The following IL1RAPL2 variants were observed in gnomAD, a reference collection of about 807,000 sequenced individuals.
The protein encoded by IL1RAPL2 is interleukin 1 receptor accessory protein like 2.
IL1RAPL2 carries 3 observed loss-of-function variants against 44.1 expected under a neutral mutation model. The observed-to-expected ratio is 0.07, with a 90% CI of 0.03 to 0.18. The LOEUF (loss-of-function observed/expected upper bound fraction) is 0.18. Ranked by LOEUF, IL1RAPL2 falls within the 10% of genes least tolerant of loss-of-function variation. IL1RAPL2 has a pLI of 1.00. For missense variants in IL1RAPL2, 391 were observed against 496.4 expected, an observed-to-expected ratio of 0.79 and a Z score of 2.02; for synonymous variants, 181 against 178.8, an observed-to-expected ratio of 1.01 and a Z score of -0.10.
chrX:105,394,394 A>G (rs919793361), intron 5 of IL1RAPL2, among the ~76,000 whole-genome samples: 6 of 111,500 alleles, frequency 5.4e-5, no homozygotes, highest in Admixed American at 1.9e-4. Flanking sequence ...CATTTCTAAA[A>G]TCTACAAAGA....
chrX:105,141,210 A>G (rs978789590), intron 2 of IL1RAPL2, among the ~76,000 whole-genome samples: 1 of 111,527 alleles, frequency 9.0e-6, no homozygotes, highest in East Asian at 2.8e-4. Flanking sequence ...GCTATAGGCT[A>G]TATGTAATTC....
intron 1 of IL1RAPL2, among the ~76,000 whole-genome samples, chrX:104,570,686 C>A (rs1281546085): frequency 8.9e-6 from 1 of 112,147 alleles, no homozygotes; most frequent in Non-Finnish European, 1.9e-5. Flanking sequence ...TTTTGGGCTT[C>A]CCCAGCCACA....
At chrX:104,765,345 CA>C (rs1295890976) in intron 2 of IL1RAPL2, among the ~76,000 whole-genome samples, 1 of 111,183 alleles carries the variant, frequency 9.0e-6, no homozygotes, top group Non-Finnish European at 1.9e-5. Context: ...CCAATTTATC[CA>C]AAAAACGTTT....
intron 6 of IL1RAPL2, among the ~76,000 whole-genome samples, chrX:105,661,115 CA>C (rs1183293511): frequency 2.7e-5 from 3 of 110,485 alleles, no homozygotes. Flanking sequence ...CAATGGAAAA[CA>C]AAAAAGAGCA....
intron 6 of IL1RAPL2, among the ~76,000 whole-genome samples, chrX:105,680,376 T>TGTAA (rs1341752266): frequency 8.9e-6 from 1 of 112,520 alleles, no homozygotes; most frequent in Non-Finnish European, 1.9e-5. Context: ...CTTACTCATC[T>TGTAA]GTAAGTCTGA....
intron 10 of IL1RAPL2, among the ~76,000 whole-genome samples, chrX:105,763,779 A>T (rs1194398872): frequency 2.7e-5 from 3 of 110,527 alleles, no homozygotes; most frequent in African/African-American, 9.9e-5. Context: ...GCTTTCAAAC[A>T]TTGAGGTTGC....
At chrX:104,756,458 T>C (rs994968408) in intron 2 of IL1RAPL2, among the ~76,000 whole-genome samples, 2 of 111,001 alleles carry the variant, frequency 1.8e-5, no homozygotes, top group African/African-American at 6.6e-5. Flanking sequence ...CCATAGGGAG[T>C]TGGGCCTAGT....
chrX:105,436,800 G>C lies in IL1RAPL2; in HGVS notation c.698-47513G>C, dbSNP rs2035884811. Among the ~76,000 whole-genome samples, 4 of 110,189 alleles carry C rather than the reference G, an allele frequency of 3.6e-5. No homozygotes were observed. The South Asian group carries it at 1.5e-3, about 42-fold the overall frequency. The stretch of plus-strand genomic sequence containing the variant: ...TATTTGCTTTGAAATTTTAATTTTG[G>C]AGGTTGTATAAGAATATCACTTAGT... On this transcript the variant is annotated intron_variant, in intron 5 of 10. Coordinates refer to ENST00000372582, the MANE Select transcript of IL1RAPL2 (RefSeq NM_017416.2).
chrX:105,219,038 T>C (rs202235111), intron 3 of IL1RAPL2: 970 of 1,209,484 alleles, frequency 8.0e-4, no homozygotes, highest in Non-Finnish European at 1.0e-3. Flanking sequence ...TTCACAGCGT[T>C]ACACCAAGGG....
intron 1 of IL1RAPL2, among the ~76,000 whole-genome samples, 162 bp from the exon 2 acceptor site, chrX:104,658,733 G>A (rs1034845897): frequency 1.8e-5 from 2 of 112,701 alleles, no homozygotes; most frequent in Non-Finnish European, 1.9e-5. Context: ...GTTTAACTGT[G>A]AACTTTCATG....
intron 2 of IL1RAPL2, among the ~76,000 whole-genome samples, chrX:105,013,884 A>C (rs2031114442): frequency 8.9e-6 from 1 of 111,980 alleles, no homozygotes; most frequent in Non-Finnish European, 1.9e-5. Context: ...AAAGTGTTAC[A>C]TGTATTTGTT....
chrX:105,483,177 C>T (rs1431247682), intron 5 of IL1RAPL2, among the ~76,000 whole-genome samples: 1 of 110,286 alleles, frequency 9.1e-6, no homozygotes, highest in East Asian at 2.9e-4. Flanking sequence ...ACATATCAAG[C>T]CAATCATCAT....
In IL1RAPL2 at chrX:104,620,185, C is replaced by T. The variant is rs752269862; in HGVS notation, c.-19-38710C>T. Among the ~76,000 whole-genome samples, 6 of 110,650 alleles carry T rather than the reference C, an allele frequency of 5.4e-5. No homozygotes were observed. The South Asian group carries it at 1.2e-3, about 21-fold the overall frequency. On this transcript the variant is annotated intron_variant, in intron 1 of 10. Coordinates refer to ENST00000372582, the MANE Select transcript of IL1RAPL2 (RefSeq NM_017416.2). ...AAAGGTTTTAAGAACAGAAAATGAC[C>T]GGTGAGAAGTGCATTAAAAGATGTG...
chrX:104,914,956 A>T (rs1365766591), intron 2 of IL1RAPL2, among the ~76,000 whole-genome samples: 2 of 111,613 alleles, frequency 1.8e-5, no homozygotes, highest in Non-Finnish European at 3.8e-5. Context: ...TTCTTAATCC[A>T]GTCTATCATA....
chrX:105,097,583 C>T (rs757057302), intron 2 of IL1RAPL2, among the ~76,000 whole-genome samples: 5 of 111,185 alleles, frequency 4.5e-5, no homozygotes, highest in Non-Finnish European at 9.4e-5. Context: ...CTGTCTGCTG[C>T]CACTTTATAA....
intron 1 of IL1RAPL2, among the ~76,000 whole-genome samples, chrX:104,597,823 G>T (rs1569277663): frequency 8.9e-6 from 1 of 112,076 alleles, no homozygotes. Flanking sequence ...GTTTTTTGGG[G>T]AAGGTTTTTA....
chrX:105,645,086 C>T (rs1433131292), intron 6 of IL1RAPL2, among the ~76,000 whole-genome samples: 1 of 111,920 alleles, frequency 8.9e-6, no homozygotes, highest in Non-Finnish European at 1.9e-5. Context: ...ACACCTGTAG[C>T]TTCAGAAACA....
chrX:105,425,488 C>CT lies in IL1RAPL2; in HGVS notation c.698-58814dup, dbSNP rs1183722274. Among the ~76,000 whole-genome samples the CT allele has an allele frequency of 2.2e-3, 167 of 76,013 alleles. 1 individual carries two copies. Among genetic ancestry groups the CT allele is most frequent in the Non-Finnish European group, 3.3e-3 (138 of 41,362 alleles). The allele number at this position is 76,013 out of a possible 115,157, so 66.0% of individuals were successfully genotyped here. On this transcript the variant is annotated intron_variant, in intron 5 of 10. Transcript: ENST00000372582. ...GTTAGGACTGCAGCTGCTCTTTTAA[C>CT]TTTTTTTTTTTCCTGAAGTCAATTT...
chrX:104,702,118 T>A (rs966681825), intron 2 of IL1RAPL2, among the ~76,000 whole-genome samples: 2 of 111,809 alleles, frequency 1.8e-5, no homozygotes, highest in Non-Finnish European at 1.9e-5. Flanking sequence ...ACCTAATGCA[T>A]CACTCCCTCC....
Sources: gnomAD v4.1 joint callset for allele counts (sites outside exome capture counted in the v4.1 genomes callset) on GRCh38, gnomAD v4.1.1 for gene constraint, MANE v1.5 for transcripts, NCBI Gene and HGNC (gene_info 2026-07-23, HGNC 2026-07-21) for gene names.